The following NEBL variants were observed in gnomAD, a reference collection of about 807,000 sequenced individuals.
NEBL encodes LIM and SH3 protein 2.
A neutral mutation model predicts 140.2 loss-of-function variants in NEBL; 122 were observed. The ratio of observed to expected loss-of-function variants is 0.87; its 90% CI spans 0.75 to 1.01. The LOEUF (loss-of-function observed/expected upper bound fraction) is 1.01, where lower values mean the gene tolerates loss of function less well. Among genes scored for constraint, NEBL ranks in the 50% least tolerant of loss-of-function variants. The pLI is 0.00. For missense variants in NEBL, 1,365 were observed against 1,231.3 expected (o/e 1.11, Z -1.62); for synonymous variants, 436 against 398.9 (o/e 1.09, Z -1.11).
chr10:20,911,218 C>T (rs1486689566), intron 4 of NEBL, among the ~76,000 whole-genome samples: 1 of 151,994 alleles, frequency 6.6e-6, no homozygotes, highest in Non-Finnish European at 1.5e-5. Context: ...TGCAGTAAGT[C>T]CTTTACACAT....
Position 20,785,702 on chromosome 10 carries a change from G to A in NEBL, c.*45C>T. On this transcript the variant is annotated 3_prime_UTR_variant, in exon 28 of 28. Coordinates refer to ENST00000377122, the MANE Select transcript of NEBL (RefSeq NM_006393.3). ...ATCTTCTATCTTTTAAAAAGATTAG[G>A]TTTGGGATACATTAGAATAAAGCTC... 4.4e-6 allele frequency: 7 copies of A among 1,589,150 alleles called. No homozygotes were observed. The highest frequency in any genetic ancestry group is 1.1e-5 in the South Asian group (1 of 88,990).
chr10:20,916,791 C>T (rs1848574410), intron 4 of NEBL, among the ~76,000 whole-genome samples: 1 of 152,118 alleles, frequency 6.6e-6, no homozygotes, highest in South Asian at 2.1e-4. Flanking sequence ...TGAAGTTCCT[C>T]AAGGCAATAG....
At position 20,962,881 on chromosome 10, in the gene NEBL, G is replaced by A. The variant is rs143689693; in HGVS notation, c.250-1102C>T. ...TGCAGAAGGTAGAAAAGTTCACTTC[G>A]TTGAACATGGAATGGCTGTTTCTGT... On this transcript the variant is annotated intron_variant, in intron 3 of 6. Transcript: ENST00000417816. Among the ~76,000 whole-genome samples the A allele has an allele frequency of 3.4e-3, 522 of 152,024 alleles. 4 individuals carry two copies. Among genetic ancestry groups the A allele is most frequent in the African/African-American group, 9.9e-3 (409 of 41,458 alleles).
chr10:21,149,666 C>T (rs187020059), intron 2 of NEBL, among the ~76,000 whole-genome samples: 16 of 152,228 alleles, frequency 1.1e-4, no homozygotes, highest in Non-Finnish European at 1.9e-4. Flanking sequence ...AGCAAATTAA[C>T]AGAATCCAAG....
chr10:21,254,674 G>A (rs564978546), intron 1 of NEBL, among the ~76,000 whole-genome samples: 1 of 152,222 alleles, frequency 6.6e-6, no homozygotes, highest in Non-Finnish European at 1.5e-5. Context: ...CCAGCCCCTA[G>A]TTTAAGCACC....
chr10:20,828,736 A>G (rs1793208716), intron 16 of NEBL, 102 bp from the exon 17 acceptor site: 3 of 768,278 alleles, frequency 3.9e-6, no homozygotes, highest in African/African-American at 3.5e-5. Flanking sequence ...GAGAGAGAGT[A>G]AAAAACTGTT....
chr10:20,821,549 T>C (rs1839316372), intron 19 of NEBL, among the ~76,000 whole-genome samples: 1 of 152,226 alleles, frequency 6.6e-6, no homozygotes, highest in Admixed American at 6.5e-5. Context: ...TAATTCACTG[T>C]TTATTTTCAA....
intron 2 of NEBL, among the ~76,000 whole-genome samples, chr10:21,051,355 T>C (rs1834772657): frequency 6.6e-6 from 1 of 152,202 alleles, no homozygotes; most frequent in South Asian, 2.1e-4. Context: ...ATGTAATTTG[T>C]GATACCAATA....
chr10:21,230,923 C>T (rs537104964), intron 3 of NEBL, among the ~76,000 whole-genome samples: 8 of 152,022 alleles, frequency 5.3e-5, no homozygotes, highest in East Asian at 1.9e-4. Context: ...TCTTAAGAAA[C>T]GAAAAGGAAC....
chr10:21,044,646 G>A (rs888064825), intron 2 of NEBL, among the ~76,000 whole-genome samples: 6 of 152,062 alleles, frequency 3.9e-5, no homozygotes, highest in Admixed American at 3.9e-4. Flanking sequence ...AAATCCATTT[G>A]CTTTTGCTAT....
Position 20,897,219 on chromosome 10 carries a change from A to T in NEBL, c.-14T>A, listed in dbSNP as rs1382893491. The stretch of plus-strand genomic sequence containing the variant: ...AGGGACCCTCATTTTTACCCTTTAA[A>T]ATATTTATATTTTTAAAATTTACTC... On this transcript the variant is annotated 5_prime_UTR_variant, in exon 1 of 28. Transcript: ENST00000377122. The T allele has an allele frequency of 1.9e-6, 3 of 1,549,114 alleles. No individual in the cohort carries two copies. Among genetic ancestry groups the T allele is most frequent in the African/African-American group, 2.8e-5 (2 of 72,622 alleles).
chr10:20,872,832 C>A (rs974628040), intron 5 of NEBL, among the ~76,000 whole-genome samples: 12 of 152,192 alleles, frequency 7.9e-5, no homozygotes, highest in Non-Finnish European at 1.5e-4. Context: ...CAGGCCGGTA[C>A]CCTACATGGT....
In NEBL at chr10:20,786,997, G is replaced by A. The variant is rs575529652; in HGVS notation, c.2868+205C>T. 5.3e-5 allele frequency among the ~76,000 whole-genome samples: 8 copies of A among 152,218 alleles called. No individual in the cohort carries two copies. The South Asian group carries it at 1.7e-3, about 32-fold the overall frequency. On this transcript the variant is annotated intron_variant, in intron 27 of 27. Coordinates refer to ENST00000377122, the MANE Select transcript of NEBL (RefSeq NM_006393.3). The stretch of plus-strand genomic sequence containing the variant: ...TGTATGTTTTATTGTTTTATGTAAT[G>A]CTTATTAATGCCTTCCTTTCTCAAC...
At chr10:20,927,320 C>A (rs1269323761) in intron 4 of NEBL, among the ~76,000 whole-genome samples, 2 of 152,148 alleles carry the variant, frequency 1.3e-5, no homozygotes, top group African/African-American at 2.4e-5. Context: ...TTAAATAGAT[C>A]TTTTCTTCAC....
chr10:21,125,766 G>A (rs1404644466), intron 2 of NEBL: 6 of 1,316,426 alleles, frequency 4.6e-6, no homozygotes, highest in Non-Finnish European at 5.4e-6. Context: ...ACAGAACTCA[G>A]GCTCATTTAA....
chr10:20,954,318 A>G (rs1256266568), intron 4 of NEBL, among the ~76,000 whole-genome samples: 2 of 152,230 alleles, frequency 1.3e-5, no homozygotes, highest in Non-Finnish European at 2.9e-5. Flanking sequence ...TTGTTGACAC[A>G]AATGGTCGAT....
At chr10:20,943,293 C>A (rs1396024419) in intron 4 of NEBL, among the ~76,000 whole-genome samples, 1 of 152,190 alleles carries the variant, frequency 6.6e-6, no homozygotes, top group Non-Finnish European at 1.5e-5. Flanking sequence ...TTTGTAGGGA[C>A]ATGGATGAAG....
chr10:21,065,017 A>G (rs1487241754), intron 2 of NEBL, among the ~76,000 whole-genome samples: 1 of 152,246 alleles, frequency 6.6e-6, no homozygotes, highest in Non-Finnish European at 1.5e-5. Flanking sequence ...CATATTTAAT[A>G]TAAGTAGTTC....
intron 2 of NEBL, among the ~76,000 whole-genome samples, chr10:21,124,388 TCTC>T (rs1838717877): frequency 6.6e-6 from 1 of 152,200 alleles, no homozygotes; most frequent in Admixed American, 6.5e-5. Context: ...AACAATATCT[TCTC>T]CTCCACTTGC....
Sources: gnomAD v4.1 joint callset for allele counts (sites outside exome capture counted in the v4.1 genomes callset) on GRCh38, gnomAD v4.1.1 for gene constraint, MANE v1.5 for transcripts, NCBI Gene and HGNC (gene_info 2026-07-23, HGNC 2026-07-21) for gene names.